CDK18: variants seen among roughly 807,000 people sequenced by gnomAD.
The protein encoded by CDK18 is cyclin-dependent kinase 18.
Under a neutral mutation model 62.0 loss-of-function variants are expected in CDK18, and 52 were observed. The observed-to-expected ratio is 0.84, with a 90% confidence interval of 0.67 to 1.06. CDK18 has a LOEUF of 1.06. CDK18 is among the 50% of genes least tolerant of loss of function. The probability of loss-of-function intolerance (pLI) is 0.00; values close to 1 mark genes in which losing one functional copy is unlikely to be tolerated. For missense variants in CDK18, 604 were observed against 619.9 expected, an observed-to-expected ratio of 0.97 and a Z score of 0.27; for synonymous variants, 237 against 247.0, an observed-to-expected ratio of 0.96 and a Z score of 0.38.
chr1:205,530,640 T>A lies in CDK18; in HGVS notation c.1325T>A (p.Phe442Tyr). 1 of 1,613,866 alleles carries A rather than the reference T, an allele frequency of 6.2e-7. No individual in the cohort carries two copies. Among genetic ancestry groups the A allele is most frequent in the Non-Finnish European group, 8.5e-7 (1 of 1,179,952 alleles). Reference protein sequence around the residue: ...VHQLEDTASIFSLKEIQLQKD... With the variant: ...VHQLEDTASIYSLKEIQLQKD... ...TTCTCTCCCCCAGCTGCCTCCATCT[T>A]CTCCCTGAAGGAGATCCAGCTCCAG... Residue 442 changes from phenylalanine (F) to tyrosine (Y), a missense_variant, in exon 15 of 16, where the codon TTC becomes TAC. Transcript: ENST00000429964.
At position 205,528,182 on chromosome 1, in the gene CDK18, G is replaced by A; in HGVS notation, c.974+14G>A. The A allele has an allele frequency of 6.2e-7, 1 of 1,613,000 alleles. No individual in the cohort carries two copies. ...CATTGATATGTGGTGAGTGAGCACT[G>A]TGGGGACCGAGGAGGGGAGGACAGG... On this transcript the variant is annotated intron_variant, in intron 10 of 15. Coordinates refer to ENST00000429964, the MANE Select transcript of CDK18 (RefSeq NM_212502.3). The surrounding 1 kb of genome is among the most constrained non-coding windows in gnomAD (Gnocchi z 4.2).
At position 205,524,295 on chromosome 1, in the gene CDK18, C is replaced by G; in HGVS notation, c.337C>G (p.Leu113Val). The G allele has an allele frequency of 6.2e-7, 1 of 1,614,212 alleles. No individual in the cohort carries two copies. The highest frequency in any genetic ancestry group is 1.1e-5 in the South Asian group (1 of 91,080). Residue 113 changes from leucine (L) to valine (V), a missense_variant, in exon 4 of 16, where the codon CTA becomes GTA. Transcript: ENST00000429964. ...IRLPQEFLQK[L>V]QMESPDLPKP... ...CCTGCCCCAGGAATTCCTACAGAAG[C>G]TACAGATGGAGAGCCCAGATCTGCC...
In CDK18 at chr1:205,524,235, G is replaced by A. The variant is rs115616480; in HGVS notation, c.277G>A (p.Val93Ile). The A allele has an allele frequency of 9.2e-5, 148 of 1,614,172 alleles. 1 individual carries two copies. The East Asian group carries it at 2.5e-3, about 27-fold the overall frequency. The change falls in exon 4 of 16, where the codon GTC (valine) becomes ATC (isoleucine). Residue 93 changes from valine (V) to isoleucine (I), a missense_variant. Transcript: ENST00000429964. ...CATCTCATCCCTGTCACCACAGGAC[G>A]TCAGCAAGAGGCTCTCTCTGCCCAT... is the stretch of plus-strand genomic sequence containing the variant. ...QNQRRFSMED[V>I]SKRLSLPMDI...
chr1:205,507,835 C>T (rs557578002), intron 1 of CDK18, among the ~76,000 whole-genome samples: 1 of 152,236 alleles, frequency 6.6e-6, no homozygotes, highest in Admixed American at 6.5e-5. Context: ...AGAATCTTTA[C>T]TGCTCTTCCA....
intron 5 of CDK18, 120 bp downstream of exon 5, chr1:205,525,315 GC>G: frequency 1.6e-6 from 1 of 625,652 alleles, no homozygotes; most frequent in East Asian, 2.8e-5. Flanking sequence ...CCTGGCCCCT[GC>G]CCCATAGAGG....
Position 205,527,774 on chromosome 1 carries a change from T to C in CDK18, c.730-20T>C. Reference sequence around the variant, plus strand: ...CTCAGGGCCACCTTCCACCCCACATTTCTCTTCCCCCTCCCCCAGATTTTC... The same window carrying C: ...CTCAGGGCCACCTTCCACCCCACATCTCTCTTCCCCCTCCCCCAGATTTTC... On this transcript the variant is annotated intron_variant, in intron 8 of 15. Transcript: ENST00000429964. This position sits in a 1 kb window ranked among gnomAD's most constrained non-coding sequence, Gnocchi z 4.1. 6 of 1,612,908 alleles carry C rather than the reference T, an allele frequency of 3.7e-6. No homozygotes were observed. The highest frequency in any genetic ancestry group is 5.1e-6 in the Non-Finnish European group (6 of 1,179,296).
At chr1:205,519,004 C>T (rs1360970273) in intron 1 of CDK18, among the ~76,000 whole-genome samples, 4 of 152,140 alleles carry the variant, frequency 2.6e-5, no homozygotes, top group African/African-American at 4.8e-5. Flanking sequence ...CCCCCACTGC[C>T]GGGCCAGTAT....
At chr1:205,529,252 T>C (rs1368706229) in intron 11 of CDK18, 72 bp from the exon 12 acceptor site, 3 of 1,441,304 alleles carry the variant, frequency 2.1e-6, no homozygotes, top group Non-Finnish European at 2.9e-6. Flanking sequence ...ACCTCATACA[T>C]TGCATCCCTT....
intron 1 of CDK18, among the ~76,000 whole-genome samples, chr1:205,520,568 C>T (rs1193120764): frequency 6.6e-6 from 1 of 151,932 alleles, no homozygotes; most frequent in African/African-American, 2.4e-5. Context: ...GGTGTGGTGG[C>T]GCGGGCCTGT....
intron 1 of CDK18, among the ~76,000 whole-genome samples, chr1:205,520,127 C>T (rs1668044429): frequency 6.6e-6 from 1 of 151,796 alleles, no homozygotes; most frequent in South Asian, 2.1e-4. Flanking sequence ...GAGAGACTTC[C>T]TCTCCTGTGG....
chr1:205,523,235 T>C lies in CDK18; in HGVS notation c.68T>C (p.Ile23Thr), dbSNP rs764434477. The change falls in exon 2 of 16, where the codon ATT becomes ACT. Residue 23 changes from isoleucine to threonine, a missense_variant. By Grantham distance (89) the Ile-to-Thr change is moderately conservative (BLOSUM62 -1). Transcript: ENST00000429964. ...CTGTCAGTGCCCCGCACTGAGACCA[T>C]TGAAGAATCCTTGGCTGAATTCACG... ...FSLSVPRTET[I>T]EESLAEFTEQ... 11 of 1,614,024 alleles carry C rather than the reference T, an allele frequency of 6.8e-6. No homozygotes were observed. Among genetic ancestry groups the C allele is most frequent in the Non-Finnish European group, 9.3e-6 (11 of 1,180,026 alleles).
intron 15 of CDK18, 100 bp from the exon 16 acceptor site, chr1:205,531,244 T>C: frequency 1.8e-6 from 2 of 1,094,296 alleles, no homozygotes; most frequent in Non-Finnish European, 2.8e-6. Flanking sequence ...TTGCTTGCTC[T>C]GTCAGAGCAG....
chr1:205,527,007 G>A lies in CDK18; in HGVS notation c.729+170G>A, dbSNP rs1052727788. The A allele has an allele frequency of 3.2e-6, 2 of 620,570 alleles. No homozygotes were observed. The highest frequency in any genetic ancestry group is 5.4e-5 in the Admixed American group (2 of 37,124). The allele number at this position is 620,570 out of a possible 1,614,324, so 38.4% of individuals were successfully genotyped here. A position where few individuals can be genotyped will look rare whatever the true frequency, so the allele number is the denominator to read the frequency against. ...TCAACGAGTCCAGGAACTGGGTTGA[G>A]CGCTTTACCCCAAGAACAGACACAC... On this transcript the variant is annotated intron_variant, in intron 8 of 15. Coordinates refer to ENST00000429964, the MANE Select transcript of CDK18 (RefSeq NM_212502.3). The surrounding 1 kb of genome is among the most constrained non-coding windows in gnomAD (Gnocchi z 4.1).
intron 1 of CDK18, among the ~76,000 whole-genome samples, chr1:205,518,057 C>T (rs1469752007): frequency 1.3e-5 from 2 of 152,146 alleles, no homozygotes; most frequent in Non-Finnish European, 1.5e-5. Context: ...CCTGCTTCTC[C>T]CAGACCCTGC....
rs770191177 is a variant in CDK18 at position 205,523,562 on chromosome 1, G to T, written c.210G>T (p.Pro70=). 13 of 1,602,062 alleles carry T rather than the reference G, an allele frequency of 8.1e-6. No homozygotes were observed. Among genetic ancestry groups the T allele is most frequent in the Admixed American group, 1.7e-5 (1 of 58,450 alleles). The change falls in exon 3 of 16, where the codon CCG becomes CCT. Residue 70 remains proline, a synonymous_variant. Coordinates refer to ENST00000429964, the MANE Select transcript of CDK18 (RefSeq NM_212502.3). ...TFSPTDSGEE[P]GQLSPGVQFQ... The stretch of plus-strand genomic sequence containing the variant: ...CCCCAACAGACAGCGGGGAGGAGCC[G>T]GGGCAGCTCTCCCCTGGCGTGCAGT...
intron 1 of CDK18, among the ~76,000 whole-genome samples, chr1:205,507,629 G>A (rs1445760032): frequency 3.6e-5 from 3 of 82,256 alleles, no homozygotes; most frequent in African/African-American, 4.9e-5. Context: ...GCGAGACTCC[G>A]TCTCAAAAAA....
intron 15 of CDK18, 128 bp from the exon 16 acceptor site, chr1:205,531,216 G>A: frequency 1.3e-6 from 1 of 784,122 alleles, no homozygotes; most frequent in Non-Finnish European, 2.2e-6. Context: ...GGTCAGACCG[G>A]CTCCTGTTTG....
Position 205,527,809 on chromosome 1 carries a change from C to A in CDK18, c.745C>A (p.Leu249Met). 1 of 1,613,944 alleles carries A rather than the reference C, an allele frequency of 6.2e-7. No homozygotes were observed. Residue 249 changes from leucine to methionine, a missense_variant, in exon 9 of 16, where the codon CTG becomes ATG. Transcript: ENST00000429964. The surrounding 1 kb of genome is among the most constrained non-coding windows in gnomAD (Gnocchi z 4.1). ...MHNVKIFMFQ[L>M]LRGLAYCHHR... is the part of the protein sequence containing the mutation. Reference sequence around the variant, plus strand: ...CCTCCCCCAGATTTTCATGTTCCAGCTGCTCCGGGGCCTCGCCTACTGTCA... The same window carrying A: ...CCTCCCCCAGATTTTCATGTTCCAGATGCTCCGGGGCCTCGCCTACTGTCA...
intron 12 of CDK18, 32 bp downstream of exon 12, chr1:205,529,461 C>G (rs1668626136): frequency 1.2e-6 from 2 of 1,610,168 alleles, no homozygotes; most frequent in African/African-American, 2.7e-5. Flanking sequence ...CCTCCTGCTG[C>G]GGCCCTGGCT....
Sources: gnomAD v4.1 joint callset for allele counts (sites outside exome capture counted in the v4.1 genomes callset) on GRCh38, gnomAD v4.1.1 for gene constraint, Gnocchi (gnomAD v3.1) non-coding constraint, MANE v1.5 for transcripts, NCBI Gene and HGNC (gene_info 2026-07-23, HGNC 2026-07-21) for gene names.